LRP1B: variants seen among roughly 807,000 people sequenced by gnomAD.
LRP1B encodes LDL receptor related protein 1B.
In LRP1B, 217 loss-of-function variants were observed where a neutral mutation model predicts 556.6. That is an observed-to-expected ratio of 0.39 (90% CI 0.35 to 0.44). The LOEUF is 0.44. Among genes scored for constraint, LRP1B ranks in the 20% least tolerant of loss-of-function variants. The pLI, the probability that LRP1B is intolerant of heterozygous loss-of-function variation, is 1.00. For synonymous variants in LRP1B, 2,047 were observed against 1,865.8 expected, an observed-to-expected ratio of 1.10 and a Z score of -2.50; for missense variants, 5,053 against 5,620.8, an observed-to-expected ratio of 0.90 and a Z score of 3.23.
chr2:141,100,135 A>G (rs1266149171), intron 7 of LRP1B, among the ~76,000 whole-genome samples: 6 of 152,186 alleles, frequency 3.9e-5, no homozygotes, highest in African/African-American at 1.4e-4. Context: ...AAATGACAAG[A>G]TGTGAAACCT....
intron 2 of LRP1B, among the ~76,000 whole-genome samples, chr2:141,649,533 C>G (rs778291863): frequency 1.3e-5 from 2 of 152,096 alleles, no homozygotes; most frequent in African/African-American, 4.8e-5. Flanking sequence ...TTGAAAAATG[C>G]TCAAGATGTC....
intron 42 of LRP1B, among the ~76,000 whole-genome samples, chr2:140,600,776 T>TTG (rs1682629460): frequency 7.8e-6 from 1 of 127,818 alleles, no homozygotes; most frequent in Non-Finnish European, 1.6e-5. Context: ...GGTTTTTTTT[T>TTG]TTTTTTTTTT....
chr2:141,691,767 A>C (rs1574248247), intron 2 of LRP1B, among the ~76,000 whole-genome samples: 1 of 151,822 alleles, frequency 6.6e-6, no homozygotes, highest in Non-Finnish European at 1.5e-5. Context: ...CTCAATTCAT[A>C]TGGCTTCTAT....
At chr2:141,215,014 T>C (rs1682732003) in intron 6 of LRP1B, among the ~76,000 whole-genome samples, 1 of 152,208 alleles carries the variant, frequency 6.6e-6, no homozygotes, top group East Asian at 1.9e-4. Context: ...AATATATGTC[T>C]CCACCAAATC....
At chr2:141,552,915 A>G (rs1392817933) in intron 2 of LRP1B, among the ~76,000 whole-genome samples, 1 of 152,024 alleles carries the variant, frequency 6.6e-6, no homozygotes, top group Non-Finnish European at 1.5e-5. Flanking sequence ...TAATAAGGGG[A>G]TTCAAAAACT....
chr2:141,798,307 C>T (rs1695888145), intron 2 of LRP1B, among the ~76,000 whole-genome samples: 3 of 152,156 alleles, frequency 2.0e-5, no homozygotes, highest in Admixed American at 2.0e-4. Context: ...TCTGATTTTT[C>T]TGTCAGCTTA....
intron 18 of LRP1B, among the ~76,000 whole-genome samples, chr2:140,957,489 A>G (rs7577184): frequency 0.013 from 1,638 of 130,160 alleles, 22 homozygotes; most frequent in African/African-American, 0.039. Flanking sequence ...ATATACAATG[A>G]GACTAAAAGA....
chr2:141,529,767 G>T (rs1011149622), intron 2 of LRP1B, among the ~76,000 whole-genome samples: 1 of 151,988 alleles, frequency 6.6e-6, no homozygotes, highest in Non-Finnish European at 1.5e-5. Context: ...CTACATAAAG[G>T]ATCTTGGTAG....
At chr2:140,485,626 G>A in intron 58 of LRP1B, 102 bp from the exon 59 acceptor site, 5 of 779,616 alleles carry the variant, frequency 6.4e-6, no homozygotes, top group Non-Finnish European at 8.0e-6. Flanking sequence ...CCATTTAAAT[G>A]TAAAGAATGG....
At chr2:141,711,012 G>A (rs1194759862) in intron 2 of LRP1B, among the ~76,000 whole-genome samples, 8 of 152,064 alleles carry the variant, frequency 5.3e-5, no homozygotes, top group Non-Finnish European at 1.2e-4. Context: ...CCTTATGTAT[G>A]CCTTGTTAAT....
At position 141,283,231 on chromosome 2, in the gene LRP1B, G is replaced by A. The variant is rs573007260; in HGVS notation, c.344-28590C>T. Among the ~76,000 whole-genome samples, 3 of 152,236 alleles carry A rather than the reference G, an allele frequency of 2.0e-5. No homozygotes were observed. The East Asian group carries it at 5.8e-4, about 29-fold the overall frequency. ...GCTAAAAAAATATGAGGGGTGTTTT[G>A]GAAGATTCCCTGAAGTAAATTGCAT... On this transcript the variant is annotated intron_variant, in intron 3 of 90. Coordinates refer to ENST00000389484, the MANE Select transcript of LRP1B (RefSeq NM_018557.3).
intron 3 of LRP1B, among the ~76,000 whole-genome samples, chr2:141,345,103 C>A (rs1201985816): frequency 7.2e-6 from 1 of 138,712 alleles, no homozygotes; most frequent in Non-Finnish European, 1.6e-5. Context: ...CTTGACTGGC[C>A]ATTGCTGGCT....
At chr2:140,835,011 T>C (rs6725365) in intron 31 of LRP1B, among the ~76,000 whole-genome samples, 10,386 of 152,262 alleles carry the variant, frequency 0.068, 465 homozygotes, top group African/African-American at 0.13. Context: ...GGTATCATAC[T>C]ATAAGTATGT....
At chr2:141,169,459 G>A (rs1384528971) in intron 7 of LRP1B, among the ~76,000 whole-genome samples, 1 of 151,794 alleles carries the variant, frequency 6.6e-6, no homozygotes, top group African/African-American at 2.4e-5. Flanking sequence ...TTCCACCAAT[G>A]ACTTATATCA....
chr2:140,734,376 A>C (rs1687878031), intron 35 of LRP1B, among the ~76,000 whole-genome samples: 1 of 152,234 alleles, frequency 6.6e-6, no homozygotes, highest in Non-Finnish European at 1.5e-5. Context: ...GCTGTTCATT[A>C]GAATATGAGG....
At chr2:140,384,814 T>A (rs7597274) in intron 67 of LRP1B, among the ~76,000 whole-genome samples, 13,396 of 152,246 alleles carry the variant, frequency 0.088, 698 homozygotes, top group Middle Eastern at 0.14. Context: ...GCAAGAATAG[T>A]CATTATCGTT....
intron 2 of LRP1B, among the ~76,000 whole-genome samples, chr2:141,519,464 G>A (rs1299619295): frequency 6.8e-6 from 1 of 147,312 alleles, no homozygotes; most frequent in African/African-American, 2.5e-5. Flanking sequence ...AACCTGAAGT[G>A]TTTTCAAAGA....
At chr2:140,290,519 A>T (rs1162192191) in intron 84 of LRP1B, among the ~76,000 whole-genome samples, 1 of 152,080 alleles carries the variant, frequency 6.6e-6, no homozygotes, top group African/African-American at 2.4e-5. Flanking sequence ...TAAATATTCA[A>T]ATACTGAGGA....
At chr2:140,313,002 TA>T (rs764175251) in intron 83 of LRP1B, among the ~76,000 whole-genome samples, 76 of 152,074 alleles carry the variant, frequency 5.0e-4, no homozygotes, top group Non-Finnish European at 9.6e-4. Flanking sequence ...TAACTGTAAG[TA>T]AACCAACAAT....
Sources: allele counts gnomAD v4.1 joint callset (sites outside exome capture counted in the v4.1 genomes callset), GRCh38; gene constraint gnomAD v4.1.1; transcripts MANE v1.5; gene names NCBI Gene and HGNC (gene_info 2026-07-23, HGNC 2026-07-21).